Variants in SLC9C2 observed in about 807,000 individuals in gnomAD.
The protein encoded by SLC9C2 is sodium/hydrogen exchanger 11.
SLC9C2 carries 75 observed loss-of-function variants against 140.2 expected under a neutral mutation model. The ratio of observed to expected loss-of-function variants is 0.53; its 90% CI spans 0.44 to 0.65. The LOEUF (loss-of-function observed/expected upper bound fraction) is 0.65, where lower values mean the gene tolerates loss of function less well. SLC9C2 is among the 30% of genes least tolerant of loss of function. The pLI, the probability that SLC9C2 is intolerant of heterozygous loss-of-function variation, is 0.00. For missense variants in SLC9C2, 1,074 were observed against 1,331.8 expected (o/e 0.81, Z 3.01); for synonymous variants, 375 against 420.9 (o/e 0.89, Z 1.34).
intron 6 of SLC9C2, among the ~76,000 whole-genome samples, chr1:173,582,281 A>T (rs939819750): frequency 6.6e-6 from 1 of 152,210 alleles, no homozygotes; most frequent in Non-Finnish European, 1.5e-5. Context: ...TAAATGGGAA[A>T]AACTTGTGAC....
At chr1:173,583,437 A>G (rs1665669089) in intron 6 of SLC9C2, 69 bp downstream of exon 6, 3 of 904,334 alleles carry the variant, frequency 3.3e-6, no homozygotes, top group Non-Finnish European at 5.2e-6. Flanking sequence ...GCAAAGTTAA[A>G]ACATTTGAAT....
intron 18 of SLC9C2, among the ~76,000 whole-genome samples, chr1:173,529,624 G>A (rs554799943): frequency 2.7e-5 from 4 of 149,560 alleles, no homozygotes; most frequent in Non-Finnish European, 5.9e-5. Context: ...CTTTTAGAGA[G>A]TGTTACAGAG....
chr1:173,589,484 C>T (rs1666038376), intron 4 of SLC9C2, among the ~76,000 whole-genome samples: 1 of 151,928 alleles, frequency 6.6e-6, no homozygotes, highest in African/African-American at 2.4e-5. Context: ...CACTTGAGCC[C>T]AGGAGGTCGA....
intron 25 of SLC9C2, 92 bp from the exon 26 acceptor site, chr1:173,505,423 G>A: frequency 1.0e-6 from 1 of 956,440 alleles, no homozygotes; most frequent in Non-Finnish European, 1.6e-6. Flanking sequence ...TAAAAAATAA[G>A]CCAAAGCCTA....
chr1:173,549,535 A>G (rs1395421324), intron 11 of SLC9C2, among the ~76,000 whole-genome samples: 1 of 152,228 alleles, frequency 6.6e-6, no homozygotes, highest in Non-Finnish European at 1.5e-5. Flanking sequence ...CATGTAGGCT[A>G]CTTGGTGGCA....
chr1:173,547,629 G>T, intron 13 of SLC9C2, 60 bp downstream of exon 13: 1 of 1,272,848 alleles, frequency 7.9e-7, no homozygotes, highest in Non-Finnish European at 1.1e-6. Flanking sequence ...AAAATCATAT[G>T]CAAGGATCAA....
At chr1:173,559,247 T>TAAAG (rs1339440742) in intron 9 of SLC9C2, among the ~76,000 whole-genome samples, 1 of 152,242 alleles carries the variant, frequency 6.6e-6, no homozygotes, top group African/African-American at 2.4e-5. Flanking sequence ...AAGTTCCCTA[T>TAAAG]AAAGAGCAGT....
At chr1:173,529,421 C>T (rs1225950488) in intron 18 of SLC9C2, among the ~76,000 whole-genome samples, 1 of 151,940 alleles carries the variant, frequency 6.6e-6, no homozygotes, top group East Asian at 1.9e-4. Flanking sequence ...AGCATAGTGG[C>T]TGGAAATGAA....
intron 9 of SLC9C2, among the ~76,000 whole-genome samples, chr1:173,558,744 T>A (rs1663887294): frequency 6.6e-6 from 1 of 152,224 alleles, no homozygotes; most frequent in Admixed American, 6.5e-5. Context: ...GCTTACTATG[T>A]TCGTGTATTC....
chr1:173,564,649 T>C (rs1035187626), intron 9 of SLC9C2, among the ~76,000 whole-genome samples: 3 of 148,826 alleles, frequency 2.0e-5, no homozygotes, highest in Non-Finnish European at 3.0e-5. Context: ...TTTTTTTTTT[T>C]TTTTTTGAGA....
At chr1:173,503,970 C>G (rs1415700711) in intron 26 of SLC9C2, among the ~76,000 whole-genome samples, 1 of 152,184 alleles carries the variant, frequency 6.6e-6, no homozygotes, top group Non-Finnish European at 1.5e-5. Flanking sequence ...GACCTGTGCC[C>G]TGCTCCCTGA....
chr1:173,552,932 T>TA (rs1293427879), intron 11 of SLC9C2, among the ~76,000 whole-genome samples: 1 of 152,174 alleles, frequency 6.6e-6, no homozygotes, highest in Non-Finnish European at 1.5e-5. Flanking sequence ...GGAAAATCAA[T>TA]AAAAAACCTC....
intron 23 of SLC9C2, among the ~76,000 whole-genome samples, chr1:173,516,258 A>G (rs1456235866): frequency 6.6e-6 from 1 of 152,252 alleles, no homozygotes; most frequent in Non-Finnish European, 1.5e-5. Flanking sequence ...TGTTGAATAG[A>G]TAACTTCTTA....
At chr1:173,505,841 C>T (rs1659598325) in intron 25 of SLC9C2, among the ~76,000 whole-genome samples, 1 of 152,112 alleles carries the variant, frequency 6.6e-6, no homozygotes, top group Non-Finnish European at 1.5e-5. Context: ...GACCTTATCC[C>T]TATCTTACCA....
At chr1:173,588,598 C>T (rs542161394) in intron 4 of SLC9C2, among the ~76,000 whole-genome samples, 139 of 152,018 alleles carry the variant, frequency 9.1e-4, no homozygotes, top group African/African-American at 3.2e-3. Flanking sequence ...GTTAAATTAA[C>T]CTTGTTCTGA....
chr1:173,531,983 C>T (rs113804226), intron 17 of SLC9C2, among the ~76,000 whole-genome samples: 44 of 152,328 alleles, frequency 2.9e-4, no homozygotes, highest in Middle Eastern at 3.4e-3. Context: ...GAGCACTTTG[C>T]TCCAAACTCA....
chr1:173,526,868 CAG>C (rs1445218584), intron 18 of SLC9C2, among the ~76,000 whole-genome samples, 154 bp from the exon 19 acceptor site: 2 of 151,982 alleles, frequency 1.3e-5, no homozygotes, highest in East Asian at 1.9e-4. Flanking sequence ...TTTTTTGAGA[CAG>C]AGTCTTGCTC....
rs561011337 is a variant in SLC9C2, at chr1:173,516,971, C to T, written c.2907+566G>A. The stretch of plus-strand genomic sequence containing the variant: ...TCCTTTTTCTCCACAACCTCTCCAG[C>T]ACCTGTTACTTTTTGACTTTTTAAT... On this transcript the variant is annotated intron_variant, in intron 23 of 27. Transcript: ENST00000367714. 1.6e-3 allele frequency among the ~76,000 whole-genome samples: 238 copies of T among 152,324 alleles called. 1 individual carries two copies. Among genetic ancestry groups the T allele is most frequent in the African/African-American group, 5.4e-3 (223 of 41,574 alleles).
At chr1:173,590,833 C>T (rs1341610428) in intron 4 of SLC9C2, among the ~76,000 whole-genome samples, 3 of 152,144 alleles carry the variant, frequency 2.0e-5, no homozygotes, top group Non-Finnish European at 2.9e-5. Context: ...TATCACACTA[C>T]TCAGAAAGGC....
Sources: gnomAD v4.1 joint callset for allele counts (sites outside exome capture counted in the v4.1 genomes callset) on GRCh38, gnomAD v4.1.1 for gene constraint, MANE v1.5 for transcripts, NCBI Gene and HGNC (gene_info 2026-07-23, HGNC 2026-07-21) for gene names.